GRID2: variants seen among roughly 807,000 people sequenced by gnomAD.
GRID2 encodes the protein glutamate receptor ionotropic, delta-2.
Under a neutral mutation model 114.8 loss-of-function variants are expected in GRID2, and 33 were observed. That is an observed-to-expected ratio of 0.29 (90% CI 0.22 to 0.38). GRID2 has a LOEUF of 0.38. GRID2 is among the 10% of genes least tolerant of loss of function. GRID2 has a pLI of 1.00. For missense variants in GRID2, 1,184 were observed against 1,257.7 expected (o/e 0.94, Z 0.89); for synonymous variants, 505 against 449.9 (o/e 1.12, Z -1.55).
chr4:93,324,923 C>A (rs1214313580), intron 8 of GRID2, among the ~76,000 whole-genome samples: 6 of 152,006 alleles, frequency 3.9e-5, no homozygotes, highest in Non-Finnish European at 8.8e-5. Context: ...TGATTCTTCT[C>A]TCTTTTCTTC....
At chr4:93,420,672 A>G (rs1055616437) in intron 9 of GRID2, among the ~76,000 whole-genome samples, 2 of 152,030 alleles carry the variant, frequency 1.3e-5, no homozygotes, top group Admixed American at 1.3e-4. Flanking sequence ...CTATAATAGG[A>G]AAAAAATCGG....
At chr4:92,721,115 A>G (rs1735789817) in intron 2 of GRID2, among the ~76,000 whole-genome samples, 1 of 152,104 alleles carries the variant, frequency 6.6e-6, no homozygotes, top group Admixed American at 6.6e-5. Flanking sequence ...AAATTTATAG[A>G]GACACGAGGT....
chr4:92,414,986 G>T (rs1034028522), intron 1 of GRID2, among the ~76,000 whole-genome samples: 1 of 151,898 alleles, frequency 6.6e-6, no homozygotes, highest in Non-Finnish European at 1.5e-5. Flanking sequence ...AAGATGTTAC[G>T]GTAGTCAGAG....
At chr4:93,424,467 A>G (rs532044737) in intron 10 of GRID2, among the ~76,000 whole-genome samples, 27 of 152,226 alleles carry the variant, frequency 1.8e-4, no homozygotes, top group African/African-American at 6.5e-4. Context: ...CTGAATTTAC[A>G]GGGTTTTTTA....
chr4:92,502,300 A>G (rs1250763842), intron 1 of GRID2, among the ~76,000 whole-genome samples: 1 of 152,116 alleles, frequency 6.6e-6, no homozygotes, highest in Non-Finnish European at 1.5e-5. Context: ...GCTGTATTAA[A>G]AAGTGTAATT....
chr4:93,594,994 A>T (rs1271363611), intron 13 of GRID2, among the ~76,000 whole-genome samples: 3 of 152,166 alleles, frequency 2.0e-5, no homozygotes, highest in Non-Finnish European at 4.4e-5. Context: ...TCAGATGGAA[A>T]TGCAGAAATC....
chr4:92,529,889 G>A (rs180712891), intron 1 of GRID2, among the ~76,000 whole-genome samples: 208 of 152,188 alleles, frequency 1.4e-3, no homozygotes, highest in African/African-American at 4.8e-3. Flanking sequence ...GCGGAGAATA[G>A]TAAAAAGCTT....
At chr4:93,146,934 C>T (rs1291917828) in intron 4 of GRID2, among the ~76,000 whole-genome samples, 1 of 152,042 alleles carries the variant, frequency 6.6e-6, no homozygotes, top group African/African-American at 2.4e-5. Context: ...ATTTTACTTC[C>T]TTATTCTTAC....
chr4:93,153,492 A>T (rs1230288945), intron 4 of GRID2, among the ~76,000 whole-genome samples: 1 of 152,064 alleles, frequency 6.6e-6, no homozygotes, highest in Non-Finnish European at 1.5e-5. Flanking sequence ...TCCTTTTCCT[A>T]AGCATGGTGG....
chr4:93,774,798 T>C (rs1734326259), downstream of GRID2, among the ~76,000 whole-genome samples: 1 of 151,996 alleles, frequency 6.6e-6, no homozygotes, highest in African/African-American at 2.4e-5. Flanking sequence ...ATACATTTGT[T>C]TTTCTCTGTG....
intron 2 of GRID2, among the ~76,000 whole-genome samples, chr4:92,604,704 C>T (rs1729372549): frequency 6.6e-6 from 1 of 151,986 alleles, no homozygotes; most frequent in Non-Finnish European, 1.5e-5. Flanking sequence ...ATTTTTTAAT[C>T]CTATTTATTA....
chr4:92,927,653 A>G (rs1344468702), intron 2 of GRID2, among the ~76,000 whole-genome samples: 2 of 151,812 alleles, frequency 1.3e-5, no homozygotes, highest in African/African-American at 2.4e-5. Context: ...GTTTTTTGCT[A>G]TACAGATTTG....
chr4:92,589,418 A>C (rs998298961), intron 1 of GRID2, among the ~76,000 whole-genome samples: 7 of 152,240 alleles, frequency 4.6e-5, no homozygotes, highest in African/African-American at 1.7e-4. Context: ...TGCTCTTAGA[A>C]TCAATGTGTT....
At chr4:92,674,286 C>A (rs553791879) in intron 2 of GRID2, among the ~76,000 whole-genome samples, 2 of 152,156 alleles carry the variant, frequency 1.3e-5, no homozygotes, top group Non-Finnish European at 2.9e-5. Flanking sequence ...CTTTATTGTT[C>A]CATGGATCTC....
chr4:92,837,865 G>A (rs151223992), intron 2 of GRID2, among the ~76,000 whole-genome samples: 178 of 152,112 alleles, frequency 1.2e-3, no homozygotes, highest in African/African-American at 4.0e-3. Flanking sequence ...TGTTTGAGCC[G>A]CGAATTCAAG....
At chr4:93,760,970 T>A (rs753731398) in intron 14 of GRID2, among the ~76,000 whole-genome samples, 1 of 152,232 alleles carries the variant, frequency 6.6e-6, no homozygotes, top group African/African-American at 2.4e-5. Context: ...AGTCATCTTT[T>A]GGAACATGGG....
chr4:92,684,177 A>G (rs1354963836), intron 2 of GRID2, among the ~76,000 whole-genome samples: 2 of 152,038 alleles, frequency 1.3e-5, no homozygotes, highest in African/African-American at 4.8e-5. Flanking sequence ...ATCATATATA[A>G]AAGTACAATA....
chr4:93,057,106 G>T (rs1293230258), intron 2 of GRID2, among the ~76,000 whole-genome samples: 1 of 151,454 alleles, frequency 6.6e-6, no homozygotes, highest in African/African-American at 2.4e-5. Context: ...AGAAACTTGC[G>T]AAGAGACCAA....
At chr4:92,718,720 A>G (rs1387561760) in intron 2 of GRID2, among the ~76,000 whole-genome samples, 1 of 135,178 alleles carries the variant, frequency 7.4e-6, no homozygotes, top group Non-Finnish European at 1.5e-5. Flanking sequence ...CCATGATAGC[A>G]CCACTGCCCT....
Sources: allele counts gnomAD v4.1 joint callset (sites outside exome capture counted in the v4.1 genomes callset), GRCh38; gene constraint gnomAD v4.1.1; transcripts MANE v1.5; gene names NCBI Gene and HGNC (gene_info 2026-07-23, HGNC 2026-07-21).